The following GRM5 variants were observed in gnomAD, a reference collection of about 807,000 sequenced individuals.
The protein encoded by GRM5 is metabotropic glutamate receptor 5.
GRM5 carries 19 observed loss-of-function variants against 83.1 expected under a neutral mutation model. That is an observed-to-expected ratio of 0.23 (90% CI 0.16 to 0.34). The LOEUF (loss-of-function observed/expected upper bound fraction) is 0.34, where lower values mean the gene tolerates loss of function less well. Among genes scored for constraint, GRM5 ranks in the 10% least tolerant of loss-of-function variants. The pLI is 1.00. For synonymous variants in GRM5, 675 were observed against 633.6 expected (o/e 1.07, Z -0.98); for missense variants, 1,160 against 1,588.3 (o/e 0.73, Z 4.58).
chr11:88,698,235 C>T (rs1284584012), intron 3 of GRM5, among the ~76,000 whole-genome samples: 2 of 152,160 alleles, frequency 1.3e-5, no homozygotes, highest in Non-Finnish European at 2.9e-5. Context: ...TGGTCGGGCC[C>T]TGCTTGTCCT....
intron 9 of GRM5, chr11:88,511,692 G>C (rs1254570062): frequency 6.6e-6 from 1 of 152,192 alleles, no homozygotes; most frequent in Non-Finnish European, 1.5e-5. Context: ...GTAGTTTCAG[G>C]ATTTATTTTT....
rs746199557 is a variant in GRM5 at position 88,854,061 on chromosome 11, T to TATATATATAC, written c.662-3907_662-3906insGTATATATAT. ...TAAATGAATTAAAAAATGTGGTGTA[T>TATATATATAC]ATATATATATATATATACACAATGA... On this transcript the variant is annotated intron_variant, in intron 2 of 9. Coordinates refer to ENST00000305447, the MANE Select transcript of GRM5 (RefSeq NM_001143831.3). Among the ~76,000 whole-genome samples the TATATATATAC allele has an allele frequency of 1.3e-3, 172 of 130,152 alleles. 2 individuals carry two copies. Among genetic ancestry groups the TATATATATAC allele is most frequent in the Admixed American group, 4.0e-3 (53 of 13,144 alleles). The allele number at this position is 130,152 out of a possible 152,430, so 85.4% of individuals were successfully genotyped here. A position where few individuals can be genotyped will look rare whatever the true frequency, so the allele number is the denominator to read the frequency against.
At chr11:89,033,412 C>T (rs1322065906) in intron 2 of GRM5, among the ~76,000 whole-genome samples, 1 of 151,936 alleles carries the variant, frequency 6.6e-6, no homozygotes, top group Non-Finnish European at 1.5e-5. Context: ...AATTTCTGCT[C>T]TTTCTTAGGA....
chr11:88,660,953 T>C lies in GRM5; in HGVS notation c.912-7550A>G, dbSNP rs535089849. On this transcript the variant is annotated intron_variant, in intron 3 of 9. Coordinates refer to ENST00000305447, the MANE Select transcript of GRM5 (RefSeq NM_001143831.3). ...GCTTAATGGTTCCTTCTGCTCTGCT[T>C]CTAAAATACAGTGACATTCATTGCT... Among the ~76,000 whole-genome samples, 5 of 152,312 alleles carry C rather than the reference T, an allele frequency of 3.3e-5. No homozygotes were observed. In the South Asian group the frequency reaches 1.0e-3, roughly 32 times the overall value.
chr11:88,967,353 G>A (rs1043998333), intron 2 of GRM5, among the ~76,000 whole-genome samples: 2 of 151,186 alleles, frequency 1.3e-5, no homozygotes, highest in South Asian at 4.2e-4. Context: ...GGGATAGAGG[G>A]ATATCTCAGT....
intron 1 of GRM5, among the ~76,000 whole-genome samples, chr11:89,063,956 T>C (rs1565357791): frequency 6.6e-6 from 1 of 152,144 alleles, no homozygotes; most frequent in African/African-American, 2.4e-5. Flanking sequence ...CCCTAAATTC[T>C]AAGAATAAAC....
At chr11:88,578,390 T>C (rs1233630022) in intron 7 of GRM5, among the ~76,000 whole-genome samples, 1 of 152,132 alleles carries the variant, frequency 6.6e-6, no homozygotes, top group Non-Finnish European at 1.5e-5. Context: ...TTGGGTAAGC[T>C]ACATTGACCA....
chr11:88,959,068 AAT>A (rs1938707545), intron 2 of GRM5, among the ~76,000 whole-genome samples: 1 of 152,152 alleles, frequency 6.6e-6, no homozygotes, highest in African/African-American at 2.4e-5. Flanking sequence ...GAGAATGAGA[AAT>A]AGAGATATAT....
At chr11:88,868,604 C>G (rs955971271) in intron 2 of GRM5, among the ~76,000 whole-genome samples, 1 of 151,760 alleles carries the variant, frequency 6.6e-6, no homozygotes, top group African/African-American at 2.4e-5. Context: ...CCATGTTTCA[C>G]TAATACCTAT....
chr11:88,684,214 G>A (rs1302757186), intron 3 of GRM5, among the ~76,000 whole-genome samples: 1 of 152,104 alleles, frequency 6.6e-6, no homozygotes, highest in African/African-American at 2.4e-5. Flanking sequence ...AGGTAGAGAG[G>A]AACACGATCA....
chr11:88,867,770 T>A (rs1479175070), intron 2 of GRM5, among the ~76,000 whole-genome samples: 2 of 151,740 alleles, frequency 1.3e-5, no homozygotes, highest in Non-Finnish European at 2.9e-5. Context: ...AGACAGATCC[T>A]CAGAAGGAAC....
At chr11:89,064,252 A>G (rs1355358686) in intron 1 of GRM5, among the ~76,000 whole-genome samples, 1 of 152,236 alleles carries the variant, frequency 6.6e-6, no homozygotes, top group Non-Finnish European at 1.5e-5. Flanking sequence ...AAAATAGCAT[A>G]TGACTTGTTC....
chr11:88,900,491 C>T (rs1945296727), intron 2 of GRM5, among the ~76,000 whole-genome samples: 1 of 152,072 alleles, frequency 6.6e-6, no homozygotes, highest in Non-Finnish European at 1.5e-5. Context: ...GAATTTTTAA[C>T]TAAAACTGAA....
At chr11:88,906,964 A>G (rs1158621876) in intron 2 of GRM5, among the ~76,000 whole-genome samples, 1 of 152,148 alleles carries the variant, frequency 6.6e-6, no homozygotes, top group Non-Finnish European at 1.5e-5. Context: ...GTAACAGGTT[A>G]TATTTTGCCT....
At chr11:88,785,703 G>C (rs924543944) in intron 3 of GRM5, among the ~76,000 whole-genome samples, 1 of 152,066 alleles carries the variant, frequency 6.6e-6, no homozygotes, top group Non-Finnish European at 1.5e-5. Flanking sequence ...GGAAAACTCT[G>C]TTGTGACTGA....
chr11:88,663,737 C>A (rs770740064), intron 3 of GRM5, among the ~76,000 whole-genome samples: 7 of 152,138 alleles, frequency 4.6e-5, no homozygotes, highest in Non-Finnish European at 7.3e-5. Context: ...TGGGATAACA[C>A]CTTTTCAAAA....
At chr11:88,738,260 T>A (rs1302653510) in intron 3 of GRM5, among the ~76,000 whole-genome samples, 1 of 152,070 alleles carries the variant, frequency 6.6e-6, no homozygotes, top group African/African-American at 2.4e-5. Context: ...ATTTCAACAT[T>A]TGTGCAATAA....
At chr11:88,768,126 G>A (rs771775249) in intron 3 of GRM5, among the ~76,000 whole-genome samples, 3 of 151,952 alleles carry the variant, frequency 2.0e-5, no homozygotes, top group Non-Finnish European at 4.4e-5. Flanking sequence ...AGGTATCAAA[G>A]AGATAATGTT....
At chr11:88,539,036 G>C (rs1942203347) in intron 8 of GRM5, among the ~76,000 whole-genome samples, 1 of 152,054 alleles carries the variant, frequency 6.6e-6, no homozygotes, top group Non-Finnish European at 1.5e-5. Context: ...GCTTTTACTT[G>C]AGCCCTTTCT....
Sources: allele counts gnomAD v4.1 joint callset (sites outside exome capture counted in the v4.1 genomes callset), GRCh38; gene constraint gnomAD v4.1.1; transcripts MANE v1.5; gene names NCBI Gene and HGNC (gene_info 2026-07-23, HGNC 2026-07-21).